PAM: variants seen among roughly 807,000 people sequenced by gnomAD.
The protein encoded by PAM is peptidyl-glycine alpha-amidating monooxygenase.
PAM carries 72 observed loss-of-function variants against 122.1 expected under a neutral mutation model. That is an observed-to-expected ratio of 0.59 (90% CI 0.49 to 0.72). The LOEUF is 0.72. Ranked by LOEUF, PAM falls within the 30% of genes least tolerant of loss-of-function variation. PAM has a pLI of 0.00. For synonymous variants in PAM, 389 were observed against 404.4 expected (o/e 0.96, Z 0.46); for missense variants, 1,106 against 1,183.7 (o/e 0.93, Z 0.96).
intron 4 of PAM, among the ~76,000 whole-genome samples, chr5:102,904,956 T>C (rs1444934330): frequency 1.3e-5 from 2 of 151,670 alleles, no homozygotes; most frequent in African/African-American, 4.8e-5. Context: ...TATGAGCATA[T>C]AGCATGTGTG....
chr5:103,014,016 T>C (rs1781338649), intron 21 of PAM, among the ~76,000 whole-genome samples: 1 of 152,190 alleles, frequency 6.6e-6, no homozygotes, highest in Admixed American at 6.5e-5. Flanking sequence ...TTTTATTCCA[T>C]AGTGTTTCAG....
At chr5:102,854,924 A>T (rs1416733625) in intron 1 of PAM, among the ~76,000 whole-genome samples, 1 of 152,192 alleles carries the variant, frequency 6.6e-6, no homozygotes, top group Non-Finnish European at 1.5e-5. Flanking sequence ...AGTGCTATAG[A>T]CTAGAAATTA....
In PAM at chr5:102,867,761, C is replaced by G. The variant is rs1224730903; in HGVS notation, c.210+368C>G. Among the ~76,000 whole-genome samples the G allele has an allele frequency of 1.3e-4, 20 of 152,072 alleles. 1 individual carries two copies. Reference sequence around the variant, plus strand: ...ATGATATTGAGCAGCTGCATTTAAGCTAGTTTGTTTAAATATCCTTTTATT... The same window carrying G: ...ATGATATTGAGCAGCTGCATTTAAGGTAGTTTGTTTAAATATCCTTTTATT... On this transcript the variant is annotated intron_variant, in intron 3 of 25. Coordinates refer to ENST00000438793, the MANE Select transcript of PAM (RefSeq NM_001177306.2).
chr5:102,805,369 C>G (rs1765950244), intron 1 of PAM, among the ~76,000 whole-genome samples: 2 of 152,086 alleles, frequency 1.3e-5, no homozygotes, highest in South Asian at 4.1e-4. Context: ...CACCTGGCCC[C>G]TCATCTTCCC....
intron 15 of PAM, among the ~76,000 whole-genome samples, chr5:102,983,414 C>A (rs527535624): frequency 1.4e-5 from 2 of 143,814 alleles, no homozygotes; most frequent in Non-Finnish European, 3.0e-5. Flanking sequence ...AGCACCACTG[C>A]ACTCCATCCT....
At position 102,909,842 on chromosome 5, in the gene PAM, A is replaced by G. The variant is rs184028763; in HGVS notation, c.269-4092A>G. Among the ~76,000 whole-genome samples, 17 of 151,718 alleles carry G rather than the reference A, an allele frequency of 1.1e-4. No homozygotes were observed. In the East Asian group the frequency reaches 3.1e-3, roughly 28 times the overall value. On this transcript the variant is annotated intron_variant, in intron 4 of 25. Transcript: ENST00000438793. ...AGTTAACAATAGTTATCCCTAATAC[A>G]TACAAGCAACAATTCTAGAATGCCA... is the stretch of plus-strand genomic sequence containing the variant.
chr5:102,772,079 G>A (rs775983309), intron 1 of PAM, among the ~76,000 whole-genome samples: 1 of 152,046 alleles, frequency 6.6e-6, no homozygotes, highest in Non-Finnish European at 1.5e-5. Context: ...ACTGAAAAAC[G>A]CTCTGAGTGC....
intron 1 of PAM, among the ~76,000 whole-genome samples, chr5:102,819,779 A>G (rs1771127934): frequency 1.3e-5 from 2 of 152,190 alleles, no homozygotes; most frequent in South Asian, 4.1e-4. Flanking sequence ...GAAAATGTGC[A>G]GTTCTGGCAG....
At position 102,921,219 on chromosome 5, in the gene PAM, C is replaced by T. The variant is rs558665127; in HGVS notation, c.357-3738C>T. Among the ~76,000 whole-genome samples the T allele has an allele frequency of 4.6e-5, 7 of 152,142 alleles. 1 individual carries two copies. In the East Asian group the frequency reaches 1.4e-3, roughly 29 times the overall value. On this transcript the variant is annotated intron_variant, in intron 5 of 25. Coordinates refer to ENST00000438793, the MANE Select transcript of PAM (RefSeq NM_001177306.2). ...AGAAAAAGAAACCTGGTTGATGAGG[C>T]CTGAAATTACAACAGCCATTGATCA...
intron 3 of PAM, among the ~76,000 whole-genome samples, chr5:102,894,850 A>G (rs914563050): frequency 1.6e-4 from 25 of 151,610 alleles, no homozygotes; most frequent in Non-Finnish European, 5.9e-5. Context: ...AGTCATGTCT[A>G]TTTTACCTTT....
At chr5:102,987,869 T>C (rs1772440145) in intron 15 of PAM, among the ~76,000 whole-genome samples, 1 of 152,146 alleles carries the variant, frequency 6.6e-6, no homozygotes, top group African/African-American at 2.4e-5. Context: ...AAAAGGCATA[T>C]CACAATACAC....
chr5:102,988,693 A>AAGAAAG (rs1423642707), intron 15 of PAM, among the ~76,000 whole-genome samples: 1 of 148,930 alleles, frequency 6.7e-6, no homozygotes, highest in East Asian at 2.0e-4. Flanking sequence ...GAAAGAAGGA[A>AAGAAAG]AGAAAGAGAA....
chr5:102,982,795 G>A (rs773539403), intron 15 of PAM, among the ~76,000 whole-genome samples: 1 of 152,106 alleles, frequency 6.6e-6, no homozygotes, highest in Admixed American at 6.5e-5. Flanking sequence ...AGGTATCAAT[G>A]TAAGGACACA....
At chr5:102,991,546 A>G (rs1046317878) in intron 16 of PAM, among the ~76,000 whole-genome samples, 3 of 152,162 alleles carry the variant, frequency 2.0e-5, no homozygotes, top group African/African-American at 4.8e-5. Context: ...GATTAAATTT[A>G]TGTTAAACCT....
rs750942200 is a variant in PAM, at chr5:102,979,148, TA to T, written c.1483+4714del. Reference sequence around the variant, plus strand: ...ATCTGATTATCTCAGGCTACAATTGTAATAACTATAGGTATTATAGGTGTAT... The same window carrying T: ...ATCTGATTATCTCAGGCTACAATTGTATAACTATAGGTATTATAGGTGTAT... On this transcript the variant is annotated intron_variant, in intron 15 of 25. Transcript: ENST00000438793. 2.5e-3 allele frequency among the ~76,000 whole-genome samples: 388 copies of T among 152,202 alleles called. 3 individuals carry two copies. The highest frequency in any genetic ancestry group is 4.1e-3 in the Non-Finnish European group (277 of 68,002).
At chr5:102,965,727 T>C (rs1763895296) in intron 14 of PAM, among the ~76,000 whole-genome samples, 1 of 152,032 alleles carries the variant, frequency 6.6e-6, no homozygotes, top group East Asian at 1.9e-4. Flanking sequence ...AGAGAGAATA[T>C]GACAAAAATA....
chr5:103,002,367 A>T (rs1258982446), intron 16 of PAM, among the ~76,000 whole-genome samples: 1 of 152,138 alleles, frequency 6.6e-6, no homozygotes, highest in African/African-American at 2.4e-5. Flanking sequence ...GTCATATTTA[A>T]GTTTTTTAAT....
chr5:102,995,963 C>T (rs1775573040), intron 16 of PAM, among the ~76,000 whole-genome samples: 1 of 151,890 alleles, frequency 6.6e-6, no homozygotes, highest in Non-Finnish European at 1.5e-5. Context: ...AGTTATTTCT[C>T]TAGCTTCTTA....
intron 1 of PAM, among the ~76,000 whole-genome samples, chr5:102,779,925 A>G (rs1197641167): frequency 5.2e-5 from 7 of 135,512 alleles, no homozygotes; most frequent in Admixed American, 4.4e-4. Context: ...ATATACACAC[A>G]TATATATATG....
Sources: allele counts gnomAD v4.1 joint callset (sites outside exome capture counted in the v4.1 genomes callset), GRCh38; gene constraint gnomAD v4.1.1; transcripts MANE v1.5; gene names NCBI Gene and HGNC (gene_info 2026-07-23, HGNC 2026-07-21).